SHISAL1: variants seen among roughly 807,000 people sequenced by gnomAD.
SHISAL1 encodes shisa like 1, also known as protein shisa-like-1.
Under a neutral mutation model 22.6 loss-of-function variants are expected in SHISAL1, and 9 were observed. That is an observed-to-expected ratio of 0.40 (90% CI 0.24 to 0.70). The LOEUF (loss-of-function observed/expected upper bound fraction) is 0.70, where lower values mean the gene tolerates loss of function less well. SHISAL1 is among the 30% of genes least tolerant of loss of function. SHISAL1 has a pLI of 0.39. For missense variants in SHISAL1, 246 were observed against 270.6 expected, an observed-to-expected ratio of 0.91 and a Z score of 0.64; for synonymous variants, 119 against 115.4, an observed-to-expected ratio of 1.03 and a Z score of -0.20.
chr22:44,312,612 A>T (rs1373463938), intron 1 of SHISAL1, 139 bp downstream of exon 1: 3 of 152,218 alleles, frequency 2.0e-5, no homozygotes, highest in African/African-American at 7.2e-5. Context: ...TTCTGTGACT[A>T]GGAGTCACTT....
intron 4 of SHISAL1, among the ~76,000 whole-genome samples, chr22:44,275,406 G>A (rs2055232974): frequency 6.6e-6 from 1 of 152,228 alleles, no homozygotes; most frequent in Non-Finnish European, 1.5e-5. Flanking sequence ...TCAGAAGCGA[G>A]GCTGAGTTTC....
upstream of SHISAL1, among the ~76,000 whole-genome samples, chr22:44,315,873 T>C (rs905172828): frequency 1.3e-5 from 2 of 152,002 alleles, no homozygotes; most frequent in Admixed American, 1.3e-4. Context: ...AGGCAGCAGT[T>C]CCCCGGCCTC....
At chr22:44,265,500 G>C (rs1412495565) in intron 4 of SHISAL1, among the ~76,000 whole-genome samples, 2 of 152,124 alleles carry the variant, frequency 1.3e-5, no homozygotes, top group Non-Finnish European at 2.9e-5. Flanking sequence ...ACCAGTCTCA[G>C]CCAATGCTTT....
In SHISAL1 at chr22:44,285,739, G is replaced by A. The variant is rs1212713089; in HGVS notation, c.288C>T (p.Tyr96=). 11 of 1,608,780 alleles carry A rather than the reference G, an allele frequency of 6.8e-6. 1 individual carries two copies. The East Asian group carries it at 1.1e-4, about 16-fold the overall frequency. Residue 96 remains tyrosine (Y), a synonymous_variant, in exon 4 of 5, where the codon TAC becomes TAT. Coordinates refer to ENST00000381176, the MANE Select transcript of SHISAL1 (RefSeq NM_001099294.2). ...AGATCCACACTCCCAACAAGGCGGT[G>A]TAATTGCTGCGAACAAACAGAGAGG... ...ASSEGYMHNN[Y]TALLGVWIYG...
At chr22:44,266,789 A>G (rs2055167354) in intron 4 of SHISAL1, among the ~76,000 whole-genome samples, 2 of 152,120 alleles carry the variant, frequency 1.3e-5, no homozygotes, top group Admixed American at 1.3e-4. Flanking sequence ...TACCCCACTC[A>G]GCTCCACGCC....
chr22:44,250,977 G>A (rs1052624289), intron 4 of SHISAL1, among the ~76,000 whole-genome samples: 3 of 152,358 alleles, frequency 2.0e-5, no homozygotes, highest in South Asian at 2.1e-4. Flanking sequence ...TAGTGGGAAT[G>A]TGTACAGGGG....
Position 44,303,240 on chromosome 22 carries a change from CCT to C in SHISAL1, c.-32-2265_-32-2264del, listed in dbSNP as rs139957029. Among the ~76,000 whole-genome samples, 1,408 of 152,082 alleles carry C rather than the reference CCT, an allele frequency of 9.3e-3. 20 individuals are homozygous for C. Among genetic ancestry groups the C allele is most frequent in the African/African-American group, 0.031 (1,277 of 41,438 alleles). On this transcript the variant is annotated intron_variant, in intron 1 of 4. Coordinates refer to ENST00000381176, the MANE Select transcript of SHISAL1 (RefSeq NM_001099294.2). Reference sequence around the variant, plus strand: ...TACCCCATCCTCTCCCTGGTGGCACCCTGTTATGGTATGTGAATTGTGTTCCC... The same window carrying C: ...TACCCCATCCTCTCCCTGGTGGCACCGTTATGGTATGTGAATTGTGTTCCC...
At chr22:44,323,942 G>A in the SHISAL1 span, among the ~76,000 whole-genome samples, 7 of 152,192 alleles carry the variant, frequency 4.6e-5, no homozygotes, top group South Asian at 2.1e-4. Context: ...GGAGCAACTC[G>A]TTTAATTCCT....
intron 4 of SHISAL1, among the ~76,000 whole-genome samples, chr22:44,253,835 T>G (rs1421514225): frequency 2.0e-5 from 3 of 149,632 alleles, no homozygotes; most frequent in Non-Finnish European, 4.5e-5. Context: ...CTAACAACTG[T>G]GTGTGTGTGT....
chr22:44,259,906 C>T (rs1203708380), intron 4 of SHISAL1, among the ~76,000 whole-genome samples: 1 of 152,162 alleles, frequency 6.6e-6, no homozygotes. Context: ...CCAGGCGCTC[C>T]CTGCACTGCA....
At chr22:44,267,347 G>T (rs2055171240) in intron 4 of SHISAL1, among the ~76,000 whole-genome samples, 1 of 152,064 alleles carries the variant, frequency 6.6e-6, no homozygotes, top group African/African-American at 2.4e-5. Context: ...CCCCATCTTG[G>T]AAAATCTCCC....
chr22:44,274,466 T>C (rs59068787), intron 4 of SHISAL1, among the ~76,000 whole-genome samples: 2,978 of 152,068 alleles, frequency 0.02, 106 homozygotes, highest in African/African-American at 0.068. Flanking sequence ...GGCCACAAAT[T>C]CACAAAGGTG....
chr22:44,287,890 T>G (rs1047433759), intron 3 of SHISAL1, among the ~76,000 whole-genome samples: 2 of 152,002 alleles, frequency 1.3e-5, no homozygotes, highest in African/African-American at 4.8e-5. Context: ...AGTGCCAGGT[T>G]TTTCTTCGGT....
rs1028669899 is a variant in SHISAL1 at position 44,246,757 on chromosome 22, C to T, written c.*2928G>A. The T allele has an allele frequency of 7.0e-6, 1 of 142,254 alleles. No homozygotes were observed. The highest frequency in any genetic ancestry group is 2.6e-5 in the African/African-American group (1 of 38,126). The allele number at this position is 142,254 out of a possible 1,614,324, so 8.8% of individuals were successfully genotyped here. On this transcript the variant is annotated 3_prime_UTR_variant, in exon 5 of 5. Coordinates refer to ENST00000381176, the MANE Select transcript of SHISAL1 (RefSeq NM_001099294.2). ...AGCAAGTACCGTGACTAACTGGTAC[C>T]CTACCTCACACACTTGACAGGTGAG...
the SHISAL1 span, among the ~76,000 whole-genome samples, chr22:44,326,727 G>C: frequency 6.6e-6 from 1 of 152,134 alleles, no homozygotes; most frequent in Non-Finnish European, 1.5e-5. Flanking sequence ...AGCAGGCTGG[G>C]GGGTATGGGC....
the SHISAL1 span, among the ~76,000 whole-genome samples, chr22:44,321,997 G>C: frequency 6.6e-6 from 1 of 152,098 alleles, no homozygotes; most frequent in Non-Finnish European, 1.5e-5. Flanking sequence ...ACATGGTGGT[G>C]AAGGGTGGAC....
At chr22:44,267,382 A>G (rs1457227036) in intron 4 of SHISAL1, among the ~76,000 whole-genome samples, 1 of 151,492 alleles carries the variant, frequency 6.6e-6, no homozygotes, top group Non-Finnish European at 1.5e-5. Context: ...AGGTTCCCAG[A>G]CATCCTCCTT....
the SHISAL1 span, among the ~76,000 whole-genome samples, chr22:44,327,453 A>G: frequency 6.6e-6 from 1 of 152,096 alleles, no homozygotes; most frequent in Non-Finnish European, 1.5e-5. Context: ...AAAAGGAGGA[A>G]GGGGCTCATG....
At chr22:44,316,210 G>A (rs1197995926), upstream of SHISAL1, among the ~76,000 whole-genome samples, 2 of 152,174 alleles carry the variant, frequency 1.3e-5, no homozygotes, top group Non-Finnish European at 2.9e-5. Context: ...GAGGGACCTG[G>A]GTCAAGGATG....
Sources: allele counts gnomAD v4.1 joint callset (sites outside exome capture counted in the v4.1 genomes callset), GRCh38; gene constraint gnomAD v4.1.1; transcripts MANE v1.5; gene names NCBI Gene and HGNC (gene_info 2026-07-23, HGNC 2026-07-21).